The following ACTG2 variants were observed in gnomAD, a reference collection of about 807,000 sequenced individuals.
ACTG2 encodes the protein actin gamma 2, smooth muscle.
In ACTG2, 16 loss-of-function variants were observed where a neutral mutation model predicts 37.6. The observed-to-expected ratio is 0.43, with a 90% CI of 0.29 to 0.65. The LOEUF (loss-of-function observed/expected upper bound fraction) is 0.65. ACTG2 is among the 30% of genes least tolerant of loss of function. The pLI is 0.18. For missense variants in ACTG2, 238 were observed against 490.9 expected, an observed-to-expected ratio of 0.48 and a Z score of 4.87; for synonymous variants, 181 against 179.9, an observed-to-expected ratio of 1.01 and a Z score of -0.05.
Position 73,912,478 on chromosome 2 carries a change from A to G in ACTG2, c.452-1007A>G, listed in dbSNP as rs995411968. Among the ~76,000 whole-genome samples the G allele has an allele frequency of 7.9e-5, 12 of 152,124 alleles. 1 individual carries two copies. The highest frequency in any genetic ancestry group is 2.9e-4 in the African/African-American group (12 of 41,426). On this transcript the variant is annotated intron_variant, in intron 5 of 8. Transcript: ENST00000345517. ...AACCTTGCACTTCGTTGCAAACATC[A>G]TGTTTAATAGCCACGTGGTAGTCGT...
At chr2:73,914,432 G>A (rs1039741147) in intron 6 of ACTG2, among the ~76,000 whole-genome samples, 16 of 151,998 alleles carry the variant, frequency 1.1e-4, no homozygotes, top group Admixed American at 7.9e-4. Flanking sequence ...AGTGGCGCAC[G>A]CCTGTAATTC....
At chr2:73,906,811 A>T (rs1449958613) in intron 3 of ACTG2, among the ~76,000 whole-genome samples, 1 of 152,224 alleles carries the variant, frequency 6.6e-6, no homozygotes, top group Non-Finnish European at 1.5e-5. Context: ...AAAATTATCA[A>T]CATCTTTAAC....
Position 73,908,758 on chromosome 2 carries a change from A to G in ACTG2, c.341A>G (p.Lys114Arg). The G allele has an allele frequency of 6.2e-7, 1 of 1,613,918 alleles. No homozygotes were observed. The highest frequency in any genetic ancestry group is 8.5e-7 in the Non-Finnish European group (1 of 1,179,776). Reference sequence around the variant, plus strand: ...CTCACAGAGGCTCCCCTAAATCCCAAGGCCAACAGGGAAAAGATGACCCAG... The same window carrying G: ...CTCACAGAGGCTCCCCTAAATCCCAGGGCCAACAGGGAAAAGATGACCCAG... ...TLLTEAPLNP[K>R]ANREKMTQIM... Residue 114 changes from lysine (K) to arginine (R), a missense_variant, in exon 4 of 9, where the codon AAG (lysine) becomes AGG (arginine). By Grantham distance (26) the Lys-to-Arg change is conservative. Transcript: ENST00000345517.
At chr2:73,897,026 G>A (rs1398294976) in intron 1 of ACTG2, 4 of 152,230 alleles carry the variant, frequency 2.6e-5, no homozygotes, top group Non-Finnish European at 5.9e-5. Flanking sequence ...AGAGCAGCAC[G>A]GGGCCCTTTG....
At chr2:73,916,476 T>G in intron 7 of ACTG2, 108 bp from the exon 8 acceptor site, 1 of 964,338 alleles carries the variant, frequency 1.0e-6, no homozygotes, top group East Asian at 2.7e-5. Context: ...GATATTAAGG[T>G]TCTGAACTAG....
chr2:73,899,300 G>GA (rs1208517331), intron 1 of ACTG2, among the ~76,000 whole-genome samples: 2 of 151,986 alleles, frequency 1.3e-5, no homozygotes, highest in Admixed American at 6.6e-5. Context: ...TGTTTCTACA[G>GA]AAAAAAATTT....
chr2:73,909,274 G>A (rs1680078150), intron 5 of ACTG2, 135 bp downstream of exon 5: 1 of 733,894 alleles, frequency 1.4e-6, no homozygotes, highest in Non-Finnish European at 2.3e-6. Flanking sequence ...AGGGATAATA[G>A]GTGAGAATGC....
At chr2:73,904,066 G>A (rs1216001347) in intron 3 of ACTG2, among the ~76,000 whole-genome samples, 4 of 150,792 alleles carry the variant, frequency 2.7e-5, no homozygotes, top group Non-Finnish European at 5.9e-5. Context: ...GCAACATGGT[G>A]ATACCCTATC....
At chr2:73,896,361 AAAAAGAAAAACC>A (rs1192469270) in intron 1 of ACTG2, among the ~76,000 whole-genome samples, 1 of 152,038 alleles carries the variant, frequency 6.6e-6, no homozygotes, top group Non-Finnish European at 1.5e-5. Context: ...AAAAAAAAAA[AAAAAGAAAAACC>A]ATTCTGAGAT....
At chr2:73,903,129 ATGG>A (rs1679928117) in intron 3 of ACTG2, 1 of 169,960 alleles carries the variant, frequency 5.9e-6, no homozygotes, top group African/African-American at 2.4e-5. Context: ...GGATTTTTAA[ATGG>A]TGGAGCTCAT....
At chr2:73,895,196 G>A (rs1365742660) in intron 1 of ACTG2, among the ~76,000 whole-genome samples, 3 of 152,006 alleles carry the variant, frequency 2.0e-5, no homozygotes, top group African/African-American at 7.3e-5. Context: ...GTGCCAGGGG[G>A]GTTTTGGTGG....
chr2:73,912,261 G>A (rs1269764354), intron 5 of ACTG2, among the ~76,000 whole-genome samples: 1 of 152,168 alleles, frequency 6.6e-6, no homozygotes, highest in Admixed American at 6.5e-5. Context: ...GGGTTCAAGC[G>A]ATTCTCCTGC....
intron 2 of ACTG2, chr2:73,901,794 T>C: frequency 3.8e-6 from 1 of 266,000 alleles, no homozygotes; most frequent in Non-Finnish European, 7.0e-6. Context: ...TTATATGGGA[T>C]TGAACAAGCC....
chr2:73,913,665 G>A lies in ACTG2; in HGVS notation c.613+19G>A. Reference sequence around the variant, plus strand: ...ACCACAGGTATCCAGCCCCTTTTCTGATTCTGACTGGAGCTCAGAACCAAT... The same window carrying A: ...ACCACAGGTATCCAGCCCCTTTTCTAATTCTGACTGGAGCTCAGAACCAAT... On this transcript the variant is annotated intron_variant, in intron 6 of 8. Coordinates refer to ENST00000345517, the MANE Select transcript of ACTG2 (RefSeq NM_001615.4). The A allele has an allele frequency of 6.3e-7, 1 of 1,593,192 alleles. No homozygotes were observed. The highest frequency in any genetic ancestry group is 8.6e-7 in the Non-Finnish European group (1 of 1,165,118).
At chr2:73,918,910 G>A (rs750305039) in intron 8 of ACTG2, among the ~76,000 whole-genome samples, 10 of 152,192 alleles carry the variant, frequency 6.6e-5, no homozygotes, top group Non-Finnish European at 1.0e-4. Flanking sequence ...ACAAACAACC[G>A]TGGAATCTCA....
In ACTG2 at chr2:73,909,135, G is replaced by C. The variant is rs761490367; in HGVS notation, c.447G>C (p.Thr149=). The C allele has an allele frequency of 1.9e-6, 3 of 1,612,010 alleles. No individual in the cohort carries two copies. The South Asian group carries it at 3.3e-5, about 18-fold the overall frequency. Reference sequence around the variant, plus strand: ...TCTCCCTCTATGCCTCTGGCCGCACGACAGGTGAGTAATCCTGTAATCCAT... The same window carrying C: ...TCTCCCTCTATGCCTCTGGCCGCACCACAGGTGAGTAATCCTGTAATCCAT... ...AVLSLYASGR[T]TGIVLDSGDG... is the part of the protein sequence containing the mutation. Residue 149 remains threonine, a synonymous_variant, in exon 5 of 9, where the codon ACG becomes ACC. Transcript: ENST00000345517.
rs1679926361 is a variant in ACTG2, at chr2:73,903,036, A to C, written c.255+548A>C. 1.0e-5 allele frequency: 3 copies of C among 295,574 alleles called. No individual in the cohort carries two copies. The East Asian group carries it at 1.9e-4, about 19-fold the overall frequency. The allele number at this position is 295,574 out of a possible 1,614,324, so 18.3% of individuals were successfully genotyped here. A position where few individuals can be genotyped will look rare whatever the true frequency, so the allele number is the denominator to read the frequency against. On this transcript the variant is annotated intron_variant, in intron 3 of 8. Transcript: ENST00000345517. ...GGACTGATGCTAGACTATGATGATGAGTCTCCAGTGAAAGTTTCTAAGTAG... is the reference window on the plus strand; with the variant it reads ...GGACTGATGCTAGACTATGATGATGCGTCTCCAGTGAAAGTTTCTAAGTAG...
In ACTG2 at chr2:73,908,743, C is replaced by T. The variant is rs1680067183; in HGVS notation, c.326C>T (p.Ala109Val). The change falls in exon 4 of 9, where the codon GCT becomes GTT. Residue 109 changes from alanine (A) to valine (V), a missense_variant. Ala to Val is a moderately conservative substitution (Grantham distance 64, BLOSUM62 0). Coordinates refer to ENST00000345517, the MANE Select transcript of ACTG2 (RefSeq NM_001615.4). ...GAGCACCCCACCCTGCTCACAGAGG[C>T]TCCCCTAAATCCCAAGGCCAACAGG... ...PEEHPTLLTE[A>V]PLNPKANREK... 1 of 1,614,034 alleles carries T rather than the reference C, an allele frequency of 6.2e-7. No homozygotes were observed. The highest frequency in any genetic ancestry group is 1.3e-5 in the African/African-American group (1 of 74,940).
At chr2:73,894,147 C>A (rs983401391) in intron 1 of ACTG2, among the ~76,000 whole-genome samples, 16 of 152,328 alleles carry the variant, frequency 1.1e-4, no homozygotes, top group African/African-American at 3.4e-4. Flanking sequence ...TGTTAAAACA[C>A]AGATTGCCCC....
Sources: gnomAD v4.1 joint callset for allele counts (sites outside exome capture counted in the v4.1 genomes callset) on GRCh38, gnomAD v4.1.1 for gene constraint, MANE v1.5 for transcripts, NCBI Gene and HGNC (gene_info 2026-07-23, HGNC 2026-07-21) for gene names.